NRXN3: variants seen among roughly 807,000 people sequenced by gnomAD.
NRXN3 encodes the protein neurexin III.
In NRXN3, 32 loss-of-function variants were observed where a neutral mutation model predicts 137.6. The ratio of observed to expected loss-of-function variants is 0.23; its 90% CI spans 0.18 to 0.31. The LOEUF (loss-of-function observed/expected upper bound fraction) is 0.31, where lower values mean the gene tolerates loss of function less well. NRXN3 is among the 10% of genes least tolerant of loss of function. The pLI, the probability that NRXN3 is intolerant of heterozygous loss-of-function variation, is 1.00. For synonymous variants in NRXN3, 798 were observed against 784.5 expected, an observed-to-expected ratio of 1.02 and a Z score of -0.29; for missense variants, 1,574 against 2,062.5, an observed-to-expected ratio of 0.76 and a Z score of 4.59.
intron 19 of NRXN3, among the ~76,000 whole-genome samples, chr14:79,703,460 G>A (rs1320959526): frequency 1.3e-5 from 2 of 152,076 alleles, no homozygotes; most frequent in African/African-American, 4.8e-5. Context: ...GGTTTTTCCA[G>A]TTGCTTAGCT....
Position 79,002,623 on chromosome 14 carries a change from G to A in NRXN3, c.3262+14482G>A, listed in dbSNP as rs527429364. Among the ~76,000 whole-genome samples, 14 of 152,210 alleles carry A rather than the reference G, an allele frequency of 9.2e-5. No homozygotes were observed. The East Asian group carries it at 2.5e-3, about 27-fold the overall frequency. On this transcript the variant is annotated intron_variant, in intron 15 of 20. Transcript: ENST00000335750. Reference sequence around the variant, plus strand: ...TTTCTTTATCCAGTCTCTCGTTGATGGGCATGTGGGTTGATTCCCTGTATT... The same window carrying A: ...TTTCTTTATCCAGTCTCTCGTTGATAGGCATGTGGGTTGATTCCCTGTATT...
At chr14:78,701,265 T>C (rs2098275566) in intron 6 of NRXN3, among the ~76,000 whole-genome samples, 2 of 152,226 alleles carry the variant, frequency 1.3e-5, no homozygotes, top group African/African-American at 2.4e-5. Flanking sequence ...CATCTGTAAC[T>C]GGGCATAAAC....
rs144282140 is a variant in NRXN3 at position 78,353,968 on chromosome 14, A to AT, written c.757+56114dup. On this transcript the variant is annotated intron_variant, in intron 4 of 20. Transcript: ENST00000335750. ...CAGACCTTTAAAAATGAAGTCCTTT[A>AT]TTTTTTCTCAGTGACCTGCACTATT... 7.7e-3 allele frequency among the ~76,000 whole-genome samples: 1,173 copies of AT among 152,200 alleles called. 8 individuals are homozygous for AT. The highest frequency in any genetic ancestry group is 0.011 in the Non-Finnish European group (771 of 67,994).
intron 2 of NRXN3, among the ~76,000 whole-genome samples, chr14:78,267,880 G>A (rs775256799): frequency 2.0e-5 from 3 of 152,154 alleles, no homozygotes; most frequent in Non-Finnish European, 4.4e-5. Context: ...ATGCAGAGCC[G>A]TCTTTTTGAG....
chr14:79,842,729 A>T (rs1016536090), intron 20 of NRXN3, among the ~76,000 whole-genome samples: 1 of 152,222 alleles, frequency 6.6e-6, no homozygotes. Flanking sequence ...TCACATAGTT[A>T]TACATTTTCC....
chr14:78,441,655 T>C (rs2094253938), intron 4 of NRXN3, among the ~76,000 whole-genome samples: 1 of 152,100 alleles, frequency 6.6e-6, no homozygotes, highest in Non-Finnish European at 1.5e-5. Context: ...CCAAAAGATA[T>C]GTTACATCTT....
Position 78,203,653 on chromosome 14 carries a change from C to G in NRXN3, c.-704+32979C>G, listed in dbSNP as rs1453010459. 2.6e-5 allele frequency among the ~76,000 whole-genome samples: 4 copies of G among 152,128 alleles called. No individual in the cohort carries two copies. In the East Asian group the frequency reaches 5.8e-4, roughly 22 times the overall value. ...CCAATCTGATAAGGTTTTCCGTTAC[C>G]ACTATTAATACATAGTACTTTATGT... On this transcript the variant is annotated intron_variant, in intron 1 of 20. Transcript: ENST00000335750.
chr14:79,622,847 C>T (rs221496), intron 16 of NRXN3, among the ~76,000 whole-genome samples: 21,846 of 152,108 alleles, frequency 0.14, 2,121 homozygotes, highest in African/African-American at 0.27. Flanking sequence ...CCACCTGCCT[C>T]GGCCTCCCAA....
chr14:79,209,925 G>A (rs995864008), intron 15 of NRXN3, among the ~76,000 whole-genome samples: 1 of 152,156 alleles, frequency 6.6e-6, no homozygotes, highest in South Asian at 2.1e-4. Flanking sequence ...TAACTCTAAG[G>A]TACTCAACCT....
chr14:78,239,983 C>T (rs1306908836), intron 1 of NRXN3, among the ~76,000 whole-genome samples: 2 of 152,198 alleles, frequency 1.3e-5, no homozygotes, highest in African/African-American at 4.8e-5. Context: ...GGATTACAGG[C>T]GCAAGCCACC....
At chr14:79,845,894 GAAAGAC>G (rs2099367971) in intron 20 of NRXN3, among the ~76,000 whole-genome samples, 37 of 141,974 alleles carry the variant, frequency 2.6e-4, no homozygotes, top group East Asian at 6.4e-4. Flanking sequence ...GAGATGGAGA[GAAAGAC>G]AGAGAGAGAG....
chr14:78,246,686 C>T (rs1457387002), intron 2 of NRXN3, among the ~76,000 whole-genome samples: 1 of 152,126 alleles, frequency 6.6e-6, no homozygotes, highest in Admixed American at 6.5e-5. Context: ...GTTGCCTCCA[C>T]ACATAGTTAA....
intron 15 of NRXN3, among the ~76,000 whole-genome samples, chr14:79,258,404 C>T (rs746251244): frequency 3.2e-4 from 49 of 152,050 alleles, no homozygotes; most frequent in Admixed American, 1.3e-4. Context: ...CAGGTTTTAC[C>T]ATGTTTTCCA....
At chr14:79,668,262 G>C (rs1346991070) in intron 17 of NRXN3, among the ~76,000 whole-genome samples, 1 of 152,038 alleles carries the variant, frequency 6.6e-6, no homozygotes, top group Non-Finnish European at 1.5e-5. Flanking sequence ...TGTCTTTATA[G>C]GGGTTGGAAG....
intron 16 of NRXN3, among the ~76,000 whole-genome samples, chr14:79,570,994 G>A (rs536593279): frequency 6.6e-6 from 1 of 152,214 alleles, no homozygotes; most frequent in African/African-American, 2.4e-5. Flanking sequence ...ATTCCTTAGA[G>A]GCCCCATCTC....
intron 16 of NRXN3, among the ~76,000 whole-genome samples, chr14:79,509,598 T>G (rs776304357): frequency 1.8e-4 from 27 of 151,404 alleles, no homozygotes; most frequent in Non-Finnish European, 2.5e-4. Context: ...TGTATATATG[T>G]GTATATATGT....
chr14:79,153,252 A>G (rs981048875), intron 15 of NRXN3, among the ~76,000 whole-genome samples: 4 of 151,962 alleles, frequency 2.6e-5, no homozygotes, highest in Non-Finnish European at 4.4e-5. Context: ...TTTTCAAAAC[A>G]TTTATCCATT....
intron 15 of NRXN3, among the ~76,000 whole-genome samples, chr14:79,196,990 T>C (rs561145652): frequency 3.9e-5 from 6 of 152,296 alleles, no homozygotes; most frequent in African/African-American, 1.2e-4. Context: ...TGGGGGTCAG[T>C]TGAGGTTCAG....
At chr14:78,539,848 C>G (rs931806284) in intron 4 of NRXN3, among the ~76,000 whole-genome samples, 1 of 152,098 alleles carries the variant, frequency 6.6e-6, no homozygotes. Flanking sequence ...TTATTTCTGC[C>G]TTCATTTTGT....
Sources: allele counts gnomAD v4.1 joint callset (sites outside exome capture counted in the v4.1 genomes callset), GRCh38; gene constraint gnomAD v4.1.1; transcripts MANE v1.5; gene names NCBI Gene and HGNC (gene_info 2026-07-23, HGNC 2026-07-21).